HECW2: variants seen among roughly 807,000 people sequenced by gnomAD.
HECW2 encodes HECT, C2 and WW domain containing E3 ubiquitin protein ligase 2, also known as E3 ubiquitin-protein ligase HECW2.
HECW2 carries 61 observed loss-of-function variants against 175.2 expected under a neutral mutation model. The ratio of observed to expected loss-of-function variants is 0.35; its 90% CI spans 0.28 to 0.43. HECW2 has a LOEUF of 0.43. Among genes scored for constraint, HECW2 ranks in the 20% least tolerant of loss-of-function variants. The probability of loss-of-function intolerance (pLI) is 1.00; values close to 1 mark genes in which losing one functional copy is unlikely to be tolerated. For missense variants in HECW2, 1,524 were observed against 2,000.5 expected (o/e 0.76, Z 4.54); for synonymous variants, 671 against 731.0 (o/e 0.92, Z 1.32).
Position 196,200,774 on chromosome 2 carries a change from A to C in HECW2, c.*503T>G, listed in dbSNP as rs574855700. The stretch of plus-strand genomic sequence containing the variant: ...AAAGCGGAAACCTATGGTGCACACC[A>C]TGCAGGCACTCATAAGCAAGAAATG... On this transcript the variant is annotated 3_prime_UTR_variant, in exon 29 of 29. Transcript: ENST00000644978. 4.5e-4 allele frequency: 70 copies of C among 154,582 alleles called. No individual in the cohort carries two copies. Among genetic ancestry groups the C allele is most frequent in the Non-Finnish European group, 9.6e-4 (66 of 69,026 alleles). 9.6% of individuals were successfully genotyped at this position (154,582 alleles called of 1,614,324 possible).
chr2:196,566,699 A>ATTTTTTTTTTTTTTT (rs58391487), intron 1 of HECW2, among the ~76,000 whole-genome samples: 2 of 94,206 alleles, frequency 2.1e-5, no homozygotes, highest in African/African-American at 4.2e-5. Context: ...CACCCAGCTA[A>ATTTTTTTTTTTTTTT]TTTTTTTTTT....
chr2:196,285,678 T>C (rs56752777), intron 14 of HECW2, among the ~76,000 whole-genome samples: 28,560 of 152,184 alleles, frequency 0.19, 2,925 homozygotes, highest in African/African-American at 0.25. Flanking sequence ...ATTATTTTCT[T>C]TATGTCTTAG....
At chr2:196,247,173 C>T (rs1274226852) in intron 19 of HECW2, among the ~76,000 whole-genome samples, 5 of 152,116 alleles carry the variant, frequency 3.3e-5, no homozygotes, top group Non-Finnish European at 5.9e-5. Context: ...ATCACTTGAA[C>T]CCAGGAGGCG....
chr2:196,371,875 C>G (rs1253773997), intron 2 of HECW2, among the ~76,000 whole-genome samples: 1 of 152,192 alleles, frequency 6.6e-6, no homozygotes, highest in Non-Finnish European at 1.5e-5. Context: ...AATGAACGAT[C>G]TCTGTTTTCT....
At chr2:196,427,750 G>A (rs750925889) in intron 2 of HECW2, among the ~76,000 whole-genome samples, 3 of 152,048 alleles carry the variant, frequency 2.0e-5, no homozygotes, top group Non-Finnish European at 2.9e-5. Flanking sequence ...TGGAGGTTTG[G>A]GCCTATAGCT....
intron 10 of HECW2, among the ~76,000 whole-genome samples, chr2:196,312,120 A>T (rs6724535): frequency 0.034 from 5,143 of 152,186 alleles, 121 homozygotes; most frequent in South Asian, 0.093. Context: ...ACTCCCTTCA[A>T]ATCAGACCTC....
rs539065056 is a variant in HECW2, at chr2:196,240,381, G to A, written c.3764+68C>T. The A allele has an allele frequency of 1.4e-4, 158 of 1,124,108 alleles. 1 individual carries two copies. The highest frequency in any genetic ancestry group is 1.8e-4 in the Non-Finnish European group (138 of 785,100). 69.6% of individuals were successfully genotyped at this position (1,124,108 alleles called of 1,614,324 possible). On this transcript the variant is annotated intron_variant, in intron 21 of 28. Coordinates refer to ENST00000644978, the MANE Select transcript of HECW2 (RefSeq NM_001348768.2). The stretch of plus-strand genomic sequence containing the variant: ...ATTTCCTGTTTCAGGCAACCACAGC[G>A]ACGTGGAGAAACATCCGCCTTGTGG...
intron 1 of HECW2, among the ~76,000 whole-genome samples, chr2:196,499,360 C>T (rs1003889574): frequency 9.9e-5 from 15 of 151,104 alleles, no homozygotes; most frequent in African/African-American, 2.4e-4. Flanking sequence ...TGAAAGTATT[C>T]GTTCTACTGG....
intron 1 of HECW2, among the ~76,000 whole-genome samples, chr2:196,534,407 T>C (rs546348163): frequency 1.3e-5 from 2 of 152,346 alleles, no homozygotes; most frequent in East Asian, 3.9e-4. Context: ...CAACGTACTC[T>C]GAGATCTCAA....
intron 1 of HECW2, among the ~76,000 whole-genome samples, chr2:196,501,395 T>C (rs1030357605): frequency 6.6e-6 from 1 of 152,172 alleles, no homozygotes; most frequent in African/African-American, 2.4e-5. Context: ...TTTGTATTTT[T>C]AGTAGAGACA....
At chr2:196,401,484 T>C (rs1694815785) in intron 2 of HECW2, among the ~76,000 whole-genome samples, 1 of 152,242 alleles carries the variant, frequency 6.6e-6, no homozygotes, top group Non-Finnish European at 1.5e-5. Flanking sequence ...AAACAATTAG[T>C]ATTATTTGAA....
Position 196,273,941 on chromosome 2 carries a change from C to T in HECW2, c.3238+80G>A, listed in dbSNP as rs988105219. On this transcript the variant is annotated intron_variant, in intron 16 of 28. Coordinates refer to ENST00000644978, the MANE Select transcript of HECW2 (RefSeq NM_001348768.2). ...AGGGCAAAAAGTAGCAGGCTAACAA[C>T]AGGGGAAGTATCAGCACAGTGTACA... The T allele has an allele frequency of 2.7e-5, 27 of 983,600 alleles. No homozygotes were observed. The African/African-American group carries it at 3.9e-4, about 14-fold the overall frequency. 60.9% of individuals were successfully genotyped at this position (983,600 alleles called of 1,614,324 possible). A position where few individuals can be genotyped will look rare whatever the true frequency, so the allele number is the denominator to read the frequency against.
chr2:196,258,087 G>C, intron 17 of HECW2, 181 bp from the exon 18 acceptor site: 1 of 560,346 alleles, frequency 1.8e-6, no homozygotes, highest in Non-Finnish European at 3.2e-6. Context: ...TCAAGGGGGG[G>C]GATCTTGTAA....
At chr2:196,261,322 G>A (rs1689283850) in intron 17 of HECW2, among the ~76,000 whole-genome samples, 1 of 152,124 alleles carries the variant, frequency 6.6e-6, no homozygotes, top group African/African-American at 2.4e-5. Context: ...AGATATCCTG[G>A]CTTATTCTAA....
At chr2:196,579,941 T>C (rs1176660911) in intron 1 of HECW2, among the ~76,000 whole-genome samples, 2 of 152,208 alleles carry the variant, frequency 1.3e-5, no homozygotes, top group African/African-American at 4.8e-5. Context: ...ATTTCTGTTG[T>C]GTAAGTCACC....
chr2:196,454,474 G>A (rs1402642941), intron 1 of HECW2, among the ~76,000 whole-genome samples: 3 of 152,136 alleles, frequency 2.0e-5, no homozygotes, highest in African/African-American at 7.2e-5. Flanking sequence ...GATTACTGTT[G>A]TAAACTATGC....
intron 1 of HECW2, among the ~76,000 whole-genome samples, chr2:196,549,047 A>G (rs913763592): frequency 6.6e-6 from 1 of 152,234 alleles, no homozygotes; most frequent in Admixed American, 6.5e-5. Context: ...TGCGGGGGAC[A>G]CAATCCAACC....
At chr2:196,538,578 C>T (rs1689098922) in intron 1 of HECW2, among the ~76,000 whole-genome samples, 1 of 152,158 alleles carries the variant, frequency 6.6e-6, no homozygotes, top group African/African-American at 2.4e-5. Context: ...GGAAGCCACC[C>T]TGGAGTTTGG....
At chr2:196,336,591 T>C (rs1692558671) in intron 3 of HECW2, among the ~76,000 whole-genome samples, 1 of 152,160 alleles carries the variant, frequency 6.6e-6, no homozygotes, top group South Asian at 2.1e-4. Context: ...TAGGATGCCA[T>C]CTTCTTTTCC....
Sources: allele counts gnomAD v4.1 joint callset (sites outside exome capture counted in the v4.1 genomes callset), GRCh38; gene constraint gnomAD v4.1.1; transcripts MANE v1.5; gene names NCBI Gene and HGNC (gene_info 2026-07-23, HGNC 2026-07-21).